MPDZ: variants seen among roughly 807,000 people sequenced by gnomAD.
MPDZ encodes multiple PDZ domain protein.
In MPDZ, 234 loss-of-function variants were observed where a neutral mutation model predicts 239.1. That is an observed-to-expected ratio of 0.98 (90% CI 0.88 to 1.09). MPDZ has a LOEUF of 1.09. Ranked by LOEUF, MPDZ falls within the 50% of genes least tolerant of loss-of-function variation. MPDZ has a pLI of 0.00. For missense variants in MPDZ, 3,175 were observed against 2,510.0 expected, an observed-to-expected ratio of 1.26 and a Z score of -5.66; for synonymous variants, 1,048 against 881.3, an observed-to-expected ratio of 1.19 and a Z score of -3.35.
intron 40 of MPDZ, 61 bp from the exon 41 acceptor site, chr9:13,114,082 C>G: frequency 8.0e-7 from 1 of 1,257,510 alleles, no homozygotes; most frequent in Non-Finnish European, 1.1e-6. Context: ...CTAAATACCA[C>G]TTATTTCAGA....
intron 10 of MPDZ, among the ~76,000 whole-genome samples, chr9:13,215,055 G>C (rs1403268819): frequency 6.6e-6 from 1 of 151,892 alleles, no homozygotes; most frequent in Non-Finnish European, 1.5e-5. Context: ...TCACATCATT[G>C]TGCAACAGGT....
Position 13,219,690 on chromosome 9 carries a change from C to T in MPDZ, c.955G>A (p.Ala319Thr). 1 of 1,612,778 alleles carries T rather than the reference C, an allele frequency of 6.2e-7. No individual in the cohort carries two copies. The highest frequency in any genetic ancestry group is 8.5e-7 in the Non-Finnish European group (1 of 1,179,246). ...TTTCCACATTGCCTAAGGACTTGTG[C>T]TACTTGCTCACTGCTCATTCCTGCT... ...DLAGMSSEQV[A>T]QVLRQCGNRV... The change falls in exon 8 of 47, where the codon GCA (alanine) becomes ACA (threonine). Residue 319 changes from alanine to threonine, a missense_variant. By Grantham distance (58) the Ala-to-Thr change is moderately conservative (BLOSUM62 0). Transcript: ENST00000319217.
chr9:13,161,403 C>G (rs956127600), intron 23 of MPDZ, among the ~76,000 whole-genome samples: 31 of 152,138 alleles, frequency 2.0e-4, no homozygotes, highest in African/African-American at 7.0e-4. Context: ...AACCTCATCT[C>G]TACTAAAAGT....
chr9:13,179,449 A>G (rs747536783), intron 19 of MPDZ, among the ~76,000 whole-genome samples: 1 of 152,158 alleles, frequency 6.6e-6, no homozygotes, highest in Non-Finnish European at 1.5e-5. Context: ...AGTCCCATGC[A>G]TTATTCATGA....
intron 1 of MPDZ, among the ~76,000 whole-genome samples, chr9:13,255,059 A>G (rs922667959): frequency 6.6e-6 from 1 of 152,204 alleles, no homozygotes; most frequent in Non-Finnish European, 1.5e-5. Flanking sequence ...CTACTTTATC[A>G]ACTAAGGTTA....
Position 13,162,745 on chromosome 9 carries a change from C to T in MPDZ, c.3305G>A (p.Gly1102Glu). Residue 1102 changes from glycine (G) to glutamate (E), a missense_variant, in exon 23 of 47, where the codon GGA becomes GAA. Gly to Glu is a moderately conservative substitution (Grantham distance 98, BLOSUM62 -2). Coordinates refer to ENST00000319217, the MANE Select transcript of MPDZ (RefSeq NM_001378778.1). ...EHLEEFKISL[G>E]QQSGRVMALD... is the part of the protein sequence containing the mutation. The stretch of plus-strand genomic sequence containing the variant: ...TGCCATTACTCTTCCAGATTGTTGT[C>T]CCAAGCTTATTTTGAACTCTTCCAA... The T allele has an allele frequency of 6.2e-7, 1 of 1,611,412 alleles. No individual in the cohort carries two copies. Among genetic ancestry groups the T allele is most frequent in the East Asian group, 2.2e-5 (1 of 44,632 alleles).
At chr9:13,128,097 T>A (rs2131882951) in intron 32 of MPDZ, among the ~76,000 whole-genome samples, 1 of 152,224 alleles carries the variant, frequency 6.6e-6, no homozygotes, top group East Asian at 1.9e-4. Context: ...TCCACCTCCA[T>A]ATTCTCTCTT....
At chr9:13,169,069 T>C (rs906471971) in intron 21 of MPDZ, among the ~76,000 whole-genome samples, 1 of 152,162 alleles carries the variant, frequency 6.6e-6, no homozygotes, top group Non-Finnish European at 1.5e-5. Flanking sequence ...TTGCTTAGGA[T>C]AACAGCATAG....
At chr9:13,227,541 C>G (rs1961023468) in intron 3 of MPDZ, among the ~76,000 whole-genome samples, 1 of 151,960 alleles carries the variant, frequency 6.6e-6, no homozygotes, top group Non-Finnish European at 1.5e-5. Context: ...AATATTTGGA[C>G]TTATGCTATG....
intron 3 of MPDZ, among the ~76,000 whole-genome samples, chr9:13,231,986 C>T (rs1303695253): frequency 1.3e-5 from 2 of 151,822 alleles, no homozygotes. Flanking sequence ...AGGAGAAAAA[C>T]AGGATCAGTT....
At chr9:13,239,344 C>T (rs1194434648) in intron 3 of MPDZ, among the ~76,000 whole-genome samples, 1 of 152,104 alleles carries the variant, frequency 6.6e-6, no homozygotes, top group Non-Finnish European at 1.5e-5. Flanking sequence ...CCTGGCTCTA[C>T]CACTTAACCT....
At chr9:13,169,879 C>T (rs950850407) in intron 21 of MPDZ, among the ~76,000 whole-genome samples, 2 of 152,124 alleles carry the variant, frequency 1.3e-5, no homozygotes, top group South Asian at 4.1e-4. Context: ...TTGCCTGACA[C>T]CTTCTTTCTG....
At chr9:13,268,128 A>G (rs1972163716) in intron 1 of MPDZ, among the ~76,000 whole-genome samples, 1 of 151,032 alleles carries the variant, frequency 6.6e-6, no homozygotes, top group South Asian at 2.1e-4. Flanking sequence ...TTTCAATTTT[A>G]AAAAATGAAC....
rs569412025 is a variant in MPDZ at position 13,130,448 on chromosome 9, C to G, written c.4464+3376G>C. On this transcript the variant is annotated intron_variant, in intron 32 of 46. Coordinates refer to ENST00000319217, the MANE Select transcript of MPDZ (RefSeq NM_001378778.1). ...TAACCGTTCATTCACTCTTCCTTCG[C>G]AGATACTTACAGTCTGAACTATGTT... Among the ~76,000 whole-genome samples the G allele has an allele frequency of 4.8e-3, 5 of 1,042 alleles. No homozygotes were observed. The Non-Finnish European group carries it at 0.069, about 14-fold the overall frequency. The allele number at this position is 1,042 out of a possible 152,430, so 0.7% of individuals were successfully genotyped here. A position where few individuals can be genotyped will look rare whatever the true frequency, so the allele number is the denominator to read the frequency against.
Position 13,113,996 on chromosome 9 carries a change from A to G in MPDZ, c.5492T>C (p.Phe1831Ser), listed in dbSNP as rs747281908. The change falls in exon 41 of 47, where the codon TTC becomes TCC. Residue 1831 changes from phenylalanine to serine, a missense_variant. Phe to Ser is a radical substitution (Grantham distance 155). Coordinates refer to ENST00000319217, the MANE Select transcript of MPDZ (RefSeq NM_001378778.1). The part of the protein sequence containing the change: ...SQVSEGSLSS[F>S]TFPLSGSSTS... The stretch of plus-strand genomic sequence containing the variant: ...ACTGGATCCAGAGAGTGGAAAAGTG[A>G]AAGATGACAGGCTGCCTTCACTCAC... 3 of 1,597,154 alleles carry G rather than the reference A, an allele frequency of 1.9e-6. No homozygotes were observed. Among genetic ancestry groups the G allele is most frequent in the Middle Eastern group, 1.7e-4 (1 of 6,050 alleles).
At chr9:13,114,042 T>C in intron 40 of MPDZ, 21 bp from the exon 41 acceptor site, 3 of 1,554,314 alleles carry the variant, frequency 1.9e-6, no homozygotes, top group Non-Finnish European at 2.6e-6. Flanking sequence ...ACAACAATTA[T>C]TTCAGAAGGT....
In MPDZ at chr9:13,110,252, C is replaced by G. The variant is rs142964535; in HGVS notation, c.5830-188G>C. Among the ~76,000 whole-genome samples, 36 of 152,318 alleles carry G rather than the reference C, an allele frequency of 2.4e-4. No homozygotes were observed. In the East Asian group the frequency reaches 6.9e-3, roughly 29 times the overall value. Reference sequence around the variant, plus strand: ...GTCCAGAGGCTCTTAACTGTCCTGACAGTAAACATATTCTTCTAATTCTAT... The same window carrying G: ...GTCCAGAGGCTCTTAACTGTCCTGAGAGTAAACATATTCTTCTAATTCTAT... On this transcript the variant is annotated intron_variant, in intron 44 of 46. Coordinates refer to ENST00000319217, the MANE Select transcript of MPDZ (RefSeq NM_001378778.1).
intron 3 of MPDZ, among the ~76,000 whole-genome samples, chr9:13,238,322 C>T (rs531777626): frequency 4.1e-4 from 63 of 152,284 alleles, no homozygotes; most frequent in African/African-American, 1.4e-3. Context: ...AGTCCACTTA[C>T]ATAATAAGAT....
intron 32 of MPDZ, among the ~76,000 whole-genome samples, chr9:13,130,647 C>G (rs894157680): frequency 6.6e-6 from 1 of 152,004 alleles, no homozygotes; most frequent in African/African-American, 2.4e-5. Context: ...ACTATATAAG[C>G]CAGAATATTG....
Sources: allele counts gnomAD v4.1 joint callset (sites outside exome capture counted in the v4.1 genomes callset), GRCh38; gene constraint gnomAD v4.1.1; transcripts MANE v1.5; gene names NCBI Gene and HGNC (gene_info 2026-07-23, HGNC 2026-07-21).